DENND5A: variants seen among roughly 807,000 people sequenced by gnomAD.
The protein encoded by DENND5A is DENN domain containing 5A.
Under a neutral mutation model 140.3 loss-of-function variants are expected in DENND5A, and 64 were observed. That is an observed-to-expected ratio of 0.46 (90% CI 0.37 to 0.56). The LOEUF (loss-of-function observed/expected upper bound fraction) is 0.56. DENND5A is among the 20% of genes least tolerant of loss of function. The pLI is 0.00. For missense variants in DENND5A, 1,292 were observed against 1,593.8 expected, an observed-to-expected ratio of 0.81 and a Z score of 3.22; for synonymous variants, 605 against 607.7, an observed-to-expected ratio of 1.00 and a Z score of 0.07.
At chr11:9,224,434 C>A (rs888238704) in intron 1 of DENND5A, among the ~76,000 whole-genome samples, 1 of 152,186 alleles carries the variant, frequency 6.6e-6, no homozygotes, top group Non-Finnish European at 1.5e-5. Flanking sequence ...TACATTGATT[C>A]ACTTGAGTTC....
At chr11:9,262,728 C>T (rs553345247) in intron 1 of DENND5A, among the ~76,000 whole-genome samples, 1 of 127,720 alleles carries the variant, frequency 7.8e-6, no homozygotes, top group Non-Finnish European at 1.6e-5. Context: ...TTATTAGGTA[C>T]TCATCAAAAT....
At chr11:9,220,404 G>A (rs941915627) in intron 1 of DENND5A, among the ~76,000 whole-genome samples, 2 of 151,748 alleles carry the variant, frequency 1.3e-5, no homozygotes, top group South Asian at 2.1e-4. Flanking sequence ...AAAATTAGCC[G>A]GGCGTGGTGG....
chr11:9,256,249 C>T (rs1851941540), intron 1 of DENND5A, among the ~76,000 whole-genome samples: 1 of 152,072 alleles, frequency 6.6e-6, no homozygotes, highest in Non-Finnish European at 1.5e-5. Context: ...ATCATGAAGT[C>T]AGGAGTTCAA....
Position 9,181,068 on chromosome 11 carries a change from A to G in DENND5A, c.1154T>C (p.Val385Ala). 2 of 1,613,938 alleles carry G rather than the reference A, an allele frequency of 1.2e-6. No homozygotes were observed. Among genetic ancestry groups the G allele is most frequent in the African/African-American group, 1.3e-5 (1 of 75,064 alleles). The change falls in exon 6 of 23, where the codon GTG (valine) becomes GCG (alanine). Residue 385 changes from valine to alanine, a missense_variant. Around this residue, in one of 4 missense-constraint regions of DENND5A, gnomAD observed 566 missense variants for 650.4 expected, o/e 0.87. Coordinates refer to ENST00000328194, the MANE Select transcript of DENND5A (RefSeq NM_015213.4). ...CTCAATGAAGTGGTTGTCAATGTCC[A>G]CAAAGCAGAGGTTAGCCTGGAAGTC... Reference protein sequence around the residue: ...ELPQEANLCFVDIDNHFIELP... With the variant: ...ELPQEANLCFADIDNHFIELP...
rs1219708747 is a variant in DENND5A at position 9,181,093 on chromosome 11, C to T, written c.1138-9G>A. The T allele has an allele frequency of 1.2e-6, 2 of 1,608,818 alleles. No individual in the cohort carries two copies. The highest frequency in any genetic ancestry group is 1.7e-6 in the Non-Finnish European group (2 of 1,177,070). On this transcript the variant is annotated splice_polypyrimidine_tract_variant and intron_variant, in intron 5 of 22. Transcript: ENST00000328194. ...ACAAAGCAGAGGTTAGCCTGGAAGT[C>T]AAAACAGGATGAGGAGTATGAATAA... is the stretch of plus-strand genomic sequence containing the variant.
intron 1 of DENND5A, among the ~76,000 whole-genome samples, chr11:9,212,528 G>A (rs1421889575): frequency 6.6e-6 from 1 of 151,772 alleles, no homozygotes; most frequent in Non-Finnish European, 1.5e-5. Flanking sequence ...AAAAGAGCTA[G>A]AAAGAAAGGA....
intron 8 of DENND5A, among the ~76,000 whole-genome samples, chr11:9,174,178 G>C (rs1235518569): frequency 1.6e-5 from 2 of 128,576 alleles, no homozygotes; most frequent in Admixed American, 7.8e-5. Context: ...GGCAGAAAAA[G>C]AAGAAAAGGG....
chr11:9,145,572 T>C (rs1460414703), intron 17 of DENND5A, 98 bp downstream of exon 17: 7 of 1,301,790 alleles, frequency 5.4e-6, no homozygotes, highest in African/African-American at 1.5e-5. Flanking sequence ...CATTACACTG[T>C]ACATAGCAAG....
chr11:9,197,079 C>T (rs1036465026), intron 4 of DENND5A, among the ~76,000 whole-genome samples: 5 of 151,062 alleles, frequency 3.3e-5, no homozygotes, highest in African/African-American at 7.3e-5. Context: ...CCAAGGTAGG[C>T]GGATCGCTTG....
At chr11:9,164,480 T>A (rs1172280148) in intron 11 of DENND5A, among the ~76,000 whole-genome samples, 1 of 152,074 alleles carries the variant, frequency 6.6e-6, no homozygotes, top group South Asian at 2.1e-4. Flanking sequence ...TTTTATTCCA[T>A]TGATAAATAA....
chr11:9,209,531 T>C (rs1204205234), intron 1 of DENND5A, among the ~76,000 whole-genome samples: 1 of 152,180 alleles, frequency 6.6e-6, no homozygotes, highest in Non-Finnish European at 1.5e-5. Flanking sequence ...AGAAGTCTTG[T>C]TAAAGAGTCT....
At chr11:9,147,000 A>G (rs1305857604) in intron 16 of DENND5A, 30 bp downstream of exon 16, 2 of 1,613,452 alleles carry the variant, frequency 1.2e-6, no homozygotes, top group Admixed American at 1.7e-5. Context: ...CTGCCTTGAG[A>G]AGGCCAGCTG....
intron 5 of DENND5A, among the ~76,000 whole-genome samples, chr11:9,187,683 T>C (rs1294045918): frequency 1.3e-5 from 2 of 152,164 alleles, no homozygotes; most frequent in Admixed American, 1.3e-4. Flanking sequence ...TTCTTTACTC[T>C]AATATCCTTT....
At chr11:9,201,666 T>C (rs1191552157) in intron 4 of DENND5A, among the ~76,000 whole-genome samples, 1 of 152,062 alleles carries the variant, frequency 6.6e-6, no homozygotes, top group African/African-American at 2.4e-5. Context: ...TGAGACCCTG[T>C]CTCAAAAGGA....
intron 4 of DENND5A, among the ~76,000 whole-genome samples, chr11:9,202,698 A>G (rs1590269784): frequency 6.6e-6 from 1 of 152,112 alleles, no homozygotes; most frequent in Non-Finnish European, 1.5e-5. Flanking sequence ...ACCATCTCCT[A>G]CTATACTCCC....
chr11:9,198,818 C>T (rs7394454), intron 4 of DENND5A, among the ~76,000 whole-genome samples: 24,610 of 151,220 alleles, frequency 0.16, 2,218 homozygotes, highest in Non-Finnish European at 0.21. Context: ...TGCCTGTAAT[C>T]CCAGCACTTT....
At chr11:9,247,186 T>C (rs746485525) in intron 1 of DENND5A, among the ~76,000 whole-genome samples, 7 of 148,396 alleles carry the variant, frequency 4.7e-5, no homozygotes, top group African/African-American at 1.5e-4. Flanking sequence ...GCCGAGATCG[T>C]GCCACTGCAC....
At chr11:9,178,799 T>C (rs1227746433) in intron 7 of DENND5A, 59 bp downstream of exon 7, 1 of 1,404,572 alleles carries the variant, frequency 7.1e-7, no homozygotes, top group Non-Finnish European at 1.0e-6. Flanking sequence ...CATTACTTCT[T>C]CAAGACATAA....
intron 5 of DENND5A, among the ~76,000 whole-genome samples, chr11:9,181,357 A>G (rs1348375560): frequency 2.0e-5 from 3 of 152,178 alleles, no homozygotes; most frequent in Non-Finnish European, 4.4e-5. Context: ...TAAACAATGT[A>G]TGTTAGAGTG....
Sources: allele counts gnomAD v4.1 joint callset (sites outside exome capture counted in the v4.1 genomes callset), GRCh38; gene constraint gnomAD v4.1.1; regional missense constraint gnomAD v4.1.1; transcripts MANE v1.5; gene names NCBI Gene and HGNC (gene_info 2026-07-23, HGNC 2026-07-21).